Variants in DHRSX observed in about 807,000 individuals in gnomAD.
The protein encoded by DHRSX is dehydrogenase/reductase X-linked.
Under a neutral mutation model 34.0 loss-of-function variants are expected in DHRSX, and 31 were observed. The observed-to-expected ratio is 0.91, with a 90% CI of 0.69 to 1.23. DHRSX has a LOEUF of 1.23. Ranked by LOEUF, DHRSX falls within the 50% of genes most tolerant of loss-of-function variation. The pLI, the probability that DHRSX is intolerant of heterozygous loss-of-function variation, is 0.00. For missense variants in DHRSX, 414 were observed against 428.1 expected (o/e 0.97, Z 0.29); for synonymous variants, 201 against 183.8 (o/e 1.09, Z -0.76).
chrX:2,298,575 C>A (rs1010368822), intron 3 of DHRSX, among the ~76,000 whole-genome samples: 2 of 146,370 alleles, frequency 1.4e-5, no homozygotes, highest in Non-Finnish European at 3.0e-5. Context: ...CTAAGTGGAA[C>A]AGCAGTTCTC....
chrX:2,387,375 C>T (rs760998336), intron 3 of DHRSX, among the ~76,000 whole-genome samples: 42 of 152,184 alleles, frequency 2.8e-4, no homozygotes, highest in African/African-American at 8.2e-4. Context: ...GGCATTTATT[C>T]GGTATTAACT....
intron 1 of DHRSX, among the ~76,000 whole-genome samples, chrX:2,438,863 C>T (rs1339441622): frequency 2.6e-5 from 4 of 151,950 alleles, no homozygotes; most frequent in African/African-American, 9.7e-5. Flanking sequence ...GACCTGCAAA[C>T]TGGCCAGTTG....
At chrX:2,311,800 T>C (rs1335375413) in intron 3 of DHRSX, among the ~76,000 whole-genome samples, 1 of 152,124 alleles carries the variant, frequency 6.6e-6, no homozygotes, top group Admixed American at 6.6e-5. Context: ...AACTTCAGGG[T>C]AGCTTGGATG....
chrX:2,408,673 A>G (rs2043588634), intron 3 of DHRSX, 72 bp downstream of exon 3: 6 of 1,381,178 alleles, frequency 4.3e-6, no homozygotes, highest in Admixed American at 2.1e-5. Flanking sequence ...AAGCTCAGCC[A>G]TGAACCACGC....
intron 3 of DHRSX, among the ~76,000 whole-genome samples, chrX:2,363,355 C>G (rs2042958164): frequency 6.8e-6 from 1 of 146,990 alleles, no homozygotes; most frequent in Non-Finnish European, 1.5e-5. Context: ...TATCATGCCT[C>G]CATTTTATCA....
intron 1 of DHRSX, among the ~76,000 whole-genome samples, chrX:2,445,923 C>T (rs867632427): frequency 1.6e-3 from 243 of 149,952 alleles, no homozygotes; most frequent in Middle Eastern, 3.5e-3. Context: ...GCCAAGGGAC[C>T]GACGCCATGT....
intron 1 of DHRSX, among the ~76,000 whole-genome samples, chrX:2,484,800 G>A (rs2044840586): frequency 6.6e-6 from 1 of 152,048 alleles, no homozygotes. Flanking sequence ...AGAAGGCGCA[G>A]GAAGATGGTC....
intron 3 of DHRSX, among the ~76,000 whole-genome samples, chrX:2,370,626 C>G (rs2043046576): frequency 6.8e-6 from 1 of 147,398 alleles, no homozygotes; most frequent in Non-Finnish European, 1.5e-5. Flanking sequence ...CCTCATTACT[C>G]ACAGATGCTT....
intron 3 of DHRSX, among the ~76,000 whole-genome samples, chrX:2,352,693 T>C (rs2042802627): frequency 6.6e-6 from 1 of 152,112 alleles, no homozygotes; most frequent in Non-Finnish European, 1.5e-5. Context: ...TTCGGCGTCT[T>C]CAGGGGATAC....
chrX:2,299,473 C>G (rs1207170336), intron 3 of DHRSX, among the ~76,000 whole-genome samples: 2 of 152,182 alleles, frequency 1.3e-5, no homozygotes, highest in African/African-American at 4.8e-5. Context: ...ACAATTCTCA[C>G]TGTTGCTCTT....
In DHRSX at chrX:2,284,226, GAATTC is replaced by G. The variant is rs1394382465; in HGVS notation, c.388+7271_388+7275del. 2.6e-5 allele frequency among the ~76,000 whole-genome samples: 4 copies of G among 151,676 alleles called. No individual in the cohort carries two copies. The East Asian group carries it at 5.8e-4, about 22-fold the overall frequency. On this transcript the variant is annotated intron_variant, in intron 4 of 6. Transcript: ENST00000334651. ...GTCCTTTGAATTCATTCGTTCCTTTGAATTCATTTGTTCATTCATTAGAATTCATT... is the reference window on the plus strand; with the variant it reads ...GTCCTTTGAATTCATTCGTTCCTTTGATTTGTTCATTCATTAGAATTCATT...
chrX:2,334,990 G>C (rs912658060), intron 3 of DHRSX: 3 of 151,936 alleles, frequency 2.0e-5, no homozygotes, highest in African/African-American at 7.3e-5. Flanking sequence ...GACAAGTCTG[G>C]CCAACATGGT....
At chrX:2,242,940 T>TC (rs2016174307) in intron 6 of DHRSX, 83 bp downstream of exon 6, 2 of 1,349,002 alleles carry the variant, frequency 1.5e-6, no homozygotes, top group African/African-American at 1.5e-5. Context: ...CCAAGAACCC[T>TC]CCCTTGGGGT....
Position 2,482,726 on chromosome X carries a change from T to TA in DHRSX, c.109+18090dup, listed in dbSNP as rs1367439108. On this transcript the variant is annotated intron_variant, in intron 1 of 6. Transcript: ENST00000334651. ...AATTTAAATTCTAGAAATCCTGCAG[T>TA]AACTGCCTATTTGATACGTTCTCAG... Among the ~76,000 whole-genome samples, 49 of 152,372 alleles carry TA rather than the reference T, an allele frequency of 3.2e-4. 1 individual carries two copies. In the East Asian group the frequency reaches 9.2e-3, roughly 29 times the overall value.
intron 1 of DHRSX, among the ~76,000 whole-genome samples, chrX:2,460,556 C>T (rs1253611606): frequency 4.7e-5 from 7 of 150,492 alleles, no homozygotes; most frequent in African/African-American, 4.9e-5. Context: ...GTAGCTGTGA[C>T]CACACACGTG....
At position 2,401,401 on chromosome X, in the gene DHRSX, G is replaced by A. The variant is rs776329441; in HGVS notation, c.286+7344C>T. On this transcript the variant is annotated intron_variant, in intron 3 of 6. Transcript: ENST00000334651. ...GCTGGGATGACAGGCGTGAGCCATC[G>A]TGCCTAGCCAGGAAGCTAAATGAAT... Among the ~76,000 whole-genome samples the A allele has an allele frequency of 2.6e-5, 4 of 152,286 alleles. No individual in the cohort carries two copies. The East Asian group carries it at 5.8e-4, about 22-fold the overall frequency.
chrX:2,443,123 C>A (rs1393161916), intron 1 of DHRSX, among the ~76,000 whole-genome samples: 1 of 152,150 alleles, frequency 6.6e-6, no homozygotes, highest in Non-Finnish European at 1.5e-5. Context: ...GCCTCCACCT[C>A]CTGGGCTCCA....
chrX:2,335,290 G>A (rs1161568609), intron 3 of DHRSX, among the ~76,000 whole-genome samples: 9 of 152,092 alleles, frequency 5.9e-5, no homozygotes, highest in African/African-American at 1.7e-4. Flanking sequence ...CAGGGCACAC[G>A]CTGGTTTTAT....
chrX:2,370,056 A>C (rs1479352406), intron 3 of DHRSX, among the ~76,000 whole-genome samples: 1 of 152,066 alleles, frequency 6.6e-6, no homozygotes, highest in Non-Finnish European at 1.5e-5. Context: ...TCACTCTCCA[A>C]AGAGCTTGCA....
Sources: gnomAD v4.1 joint callset for allele counts (sites outside exome capture counted in the v4.1 genomes callset) on GRCh38, gnomAD v4.1.1 for gene constraint, MANE v1.5 for transcripts, NCBI Gene and HGNC (gene_info 2026-07-23, HGNC 2026-07-21) for gene names.